PRKN: variants seen among roughly 807,000 people sequenced by gnomAD.
PRKN encodes the protein parkin RBR E3 ubiquitin protein ligase.
A neutral mutation model predicts 59.5 loss-of-function variants in PRKN; 56 were observed. That is an observed-to-expected ratio of 0.94 (90% CI 0.76 to 1.18). PRKN has a LOEUF of 1.18. Ranked by LOEUF, PRKN falls within the 50% of genes most tolerant of loss-of-function variation. The pLI is 0.00. For missense variants in PRKN, 657 were observed against 596.4 expected (o/e 1.10, Z -1.06); for synonymous variants, 250 against 222.1 (o/e 1.13, Z -1.12).
rs570338557 is a variant in PRKN, at chr6:161,538,339, C to G, written c.1083+10515G>C. On this transcript the variant is annotated intron_variant, in intron 9 of 11. Transcript: ENST00000366898. This position sits in a 1 kb window ranked among gnomAD's most constrained non-coding sequence, Gnocchi z 4.2. ...GTAGTTACTTGATATTTTTCTTCTC[C>G]TTGAAAAAAATTCTTAAATAAATTG... 3.9e-5 allele frequency among the ~76,000 whole-genome samples: 6 copies of G among 152,210 alleles called. No individual in the cohort carries two copies. In the South Asian group the frequency reaches 1.2e-3, roughly 32 times the overall value.
chr6:161,735,507 A>T (rs1787926803), intron 7 of PRKN, among the ~76,000 whole-genome samples: 1 of 152,208 alleles, frequency 6.6e-6, no homozygotes, highest in Non-Finnish European at 1.5e-5. Context: ...ATGAAGAATC[A>T]ACTATTAGTT....
At chr6:161,474,611 C>G (rs577234279) in intron 9 of PRKN, among the ~76,000 whole-genome samples, 3 of 147,208 alleles carry the variant, frequency 2.0e-5, no homozygotes, top group Non-Finnish European at 4.5e-5. Flanking sequence ...TTTTTTTTTT[C>G]GGCAATGGAG....
chr6:161,684,920 A>G (rs1785499063), intron 7 of PRKN, among the ~76,000 whole-genome samples: 1 of 152,148 alleles, frequency 6.6e-6, no homozygotes, highest in Non-Finnish European at 1.5e-5. Flanking sequence ...CATCTATTTC[A>G]TCAGCAGTTG....
At chr6:161,683,135 G>T (rs1421576324) in intron 7 of PRKN, among the ~76,000 whole-genome samples, 1 of 152,174 alleles carries the variant, frequency 6.6e-6, no homozygotes, top group Non-Finnish European at 1.5e-5. Flanking sequence ...ATCTGACATC[G>T]TAGTAGAGCA....
chr6:161,912,609 T>C (rs1224404862), intron 6 of PRKN, among the ~76,000 whole-genome samples: 2 of 151,830 alleles, frequency 1.3e-5, no homozygotes, highest in South Asian at 2.1e-4. Context: ...CACGTGGAGA[T>C]AGAGAGCCCT....
At chr6:161,810,044 C>T (rs914091639) in intron 6 of PRKN, among the ~76,000 whole-genome samples, 1 of 152,156 alleles carries the variant, frequency 6.6e-6, no homozygotes, top group Non-Finnish European at 1.5e-5. Flanking sequence ...CCTTAAAATT[C>T]GTGCATTGAA....
At chr6:162,511,276 G>C (rs960241828) in intron 1 of PRKN, among the ~76,000 whole-genome samples, 31 of 151,484 alleles carry the variant, frequency 2.0e-4, no homozygotes, top group Non-Finnish European at 5.9e-5. Context: ...AGCACTTACT[G>C]AGATACATTA....
In PRKN at chr6:161,448,067, G is replaced by A. The variant is rs1326989919; in HGVS notation, c.1084-61190C>T. Among the ~76,000 whole-genome samples the A allele has an allele frequency of 1.3e-5, 2 of 152,164 alleles. No homozygotes were observed. The highest frequency in any genetic ancestry group is 2.9e-5 in the Non-Finnish European group (2 of 68,038). On this transcript the variant is annotated intron_variant, in intron 9 of 11. Transcript: ENST00000366898. The surrounding 1 kb of genome is among the most constrained non-coding windows in gnomAD (Gnocchi z 5.1). ...TTATCTCTTTATAATAAAATGCTAA[G>A]CAACCCCCTTAGAGTGAAGTCAACA... is the stretch of plus-strand genomic sequence containing the variant.
intron 1 of PRKN, among the ~76,000 whole-genome samples, chr6:162,502,223 C>T (rs1420732450): frequency 2.0e-5 from 3 of 152,118 alleles, no homozygotes; most frequent in Admixed American, 6.5e-5. Flanking sequence ...TCCAGTGGTG[C>T]GATCATGTCT....
chr6:162,511,786 C>G (rs1379783819), intron 1 of PRKN, among the ~76,000 whole-genome samples: 1 of 152,102 alleles, frequency 6.6e-6, no homozygotes, highest in African/African-American at 2.4e-5. Context: ...GATACGTGAT[C>G]TACAGCTTTG....
In PRKN at chr6:161,518,111, G is replaced by A. The variant is rs1778683100; in HGVS notation, c.1083+30743C>T. Reference sequence around the variant, plus strand: ...GTCTAGCTCTCCAGATACCTTAGATGAAGGCCACTGGCCTGGGGATGGGGC... The same window carrying A: ...GTCTAGCTCTCCAGATACCTTAGATAAAGGCCACTGGCCTGGGGATGGGGC... On this transcript the variant is annotated intron_variant, in intron 9 of 11. Coordinates refer to ENST00000366898, the MANE Select transcript of PRKN (RefSeq NM_004562.3). This position sits in a 1 kb window ranked among gnomAD's most constrained non-coding sequence, Gnocchi z 5.0. Among the ~76,000 whole-genome samples the A allele has an allele frequency of 6.6e-6, 1 of 152,218 alleles. No individual in the cohort carries two copies.
At chr6:162,372,085 GC>G (rs1232951380) in intron 2 of PRKN, among the ~76,000 whole-genome samples, 1 of 152,168 alleles carries the variant, frequency 6.6e-6, no homozygotes, top group African/African-American at 2.4e-5. Context: ...CATCCTTCTG[GC>G]CTCCTCCTGA....
intron 1 of PRKN, among the ~76,000 whole-genome samples, chr6:162,513,372 C>T (rs1424743862): frequency 1.3e-5 from 2 of 151,652 alleles, no homozygotes; most frequent in South Asian, 2.1e-4. Flanking sequence ...CCAGGTACTC[C>T]GGAGGCTGAG....
chr6:162,210,568 A>AT (rs1785160881), intron 3 of PRKN, among the ~76,000 whole-genome samples: 2 of 152,318 alleles, frequency 1.3e-5, no homozygotes, highest in Non-Finnish European at 1.5e-5. Flanking sequence ...TAAATCTTAA[A>AT]TAATTCTTTT....
intron 6 of PRKN, among the ~76,000 whole-genome samples, chr6:161,947,087 T>C (rs1779810680): frequency 6.6e-6 from 1 of 152,208 alleles, no homozygotes; most frequent in African/African-American, 2.4e-5. Flanking sequence ...CAAGTGCTTA[T>C]ACATCTGTTT....
At chr6:162,131,345 AAATG>A (rs1173354715) in intron 4 of PRKN, among the ~76,000 whole-genome samples, 1 of 152,232 alleles carries the variant, frequency 6.6e-6, no homozygotes, top group African/African-American at 2.4e-5. Flanking sequence ...AATAATGGCC[AAATG>A]AATTTTAGTT....
At chr6:162,034,867 G>A (rs533264575) in intron 5 of PRKN, among the ~76,000 whole-genome samples, 2 of 152,328 alleles carry the variant, frequency 1.3e-5, no homozygotes, top group South Asian at 4.1e-4. Flanking sequence ...GCTGGTCCAT[G>A]AGGAATAACA....
intron 1 of PRKN, among the ~76,000 whole-genome samples, chr6:162,494,977 G>A (rs1583668246): frequency 6.7e-6 from 1 of 149,510 alleles, no homozygotes; most frequent in East Asian, 1.9e-4. Flanking sequence ...CAAAAAGAAC[G>A]ATACCAAACT....
chr6:161,777,731 C>CTATATATGTATATATAGA, intron 7 of PRKN, among the ~76,000 whole-genome samples: 1 of 132,952 alleles, frequency 7.5e-6, no homozygotes, highest in Non-Finnish European at 1.6e-5. Context: ...ACATATATAT[C>CTATATATGTATATATAGA]TATATATGTA....
Sources: gnomAD v4.1 joint callset for allele counts (sites outside exome capture counted in the v4.1 genomes callset) on GRCh38, gnomAD v4.1.1 for gene constraint, Gnocchi (gnomAD v3.1) non-coding constraint, MANE v1.5 for transcripts, NCBI Gene and HGNC (gene_info 2026-07-23, HGNC 2026-07-21) for gene names.